The following PIGK variants were observed in gnomAD, a reference collection of about 807,000 sequenced individuals.
The protein encoded by PIGK is GPI-anchor transamidase.
In PIGK, 42 loss-of-function variants were observed where a neutral mutation model predicts 50.6. The ratio of observed to expected loss-of-function variants is 0.83; its 90% confidence interval spans 0.65 to 1.07. PIGK has a LOEUF of 1.07. Among genes scored for constraint, PIGK ranks in the 50% least tolerant of loss-of-function variants. PIGK has a pLI of 0.00. For missense variants in PIGK, 448 were observed against 488.7 expected (o/e 0.92, Z 0.78); for synonymous variants, 151 against 156.0 (o/e 0.97, Z 0.24).
intron 3 of PIGK, among the ~76,000 whole-genome samples, chr1:77,203,900 T>C (rs1418023062): frequency 1.3e-5 from 2 of 152,210 alleles, no homozygotes; most frequent in Non-Finnish European, 2.9e-5. Flanking sequence ...ATCATCTTGG[T>C]AAACTGAGGA....
chr1:77,164,943 C>G (rs528068836), intron 5 of PIGK, among the ~76,000 whole-genome samples: 1 of 152,242 alleles, frequency 6.6e-6, no homozygotes, highest in South Asian at 2.1e-4. Context: ...CTTACAGACC[C>G]TGGCAACCTT....
At chr1:77,102,733 G>A (rs773672356) in intron 10 of PIGK, among the ~76,000 whole-genome samples, 4 of 152,148 alleles carry the variant, frequency 2.6e-5, no homozygotes, top group African/African-American at 7.2e-5. Flanking sequence ...GATAGAAAAC[G>A]CATACAACAG....
In PIGK at chr1:77,092,190, C is replaced by A; in HGVS notation, c.*184G>T. ...ATACAAAACTGGAATATATTTAGTG[C>A]CATTAAGCAGTTGCATTAACAATTA... On this transcript the variant is annotated 3_prime_UTR_variant, in exon 11 of 11. Coordinates refer to ENST00000370812, the MANE Select transcript of PIGK (RefSeq NM_005482.3). 2.5e-6 allele frequency: 1 copy of A among 403,084 alleles called. No homozygotes were observed. The highest frequency in any genetic ancestry group is 4.4e-6 in the Non-Finnish European group (1 of 229,010). The allele number at this position is 403,084 out of a possible 1,614,324, so 25.0% of individuals were successfully genotyped here. A position where few individuals can be genotyped will look rare whatever the true frequency, so the allele number is the denominator to read the frequency against.
chr1:77,186,544 G>C (rs1655751278), intron 3 of PIGK, among the ~76,000 whole-genome samples: 1 of 152,152 alleles, frequency 6.6e-6, no homozygotes, highest in South Asian at 2.1e-4. Flanking sequence ...TGGACCTGAG[G>C]GGTCAAAAAT....
chr1:77,143,448 A>T (rs1158597173), intron 9 of PIGK, among the ~76,000 whole-genome samples: 3 of 152,090 alleles, frequency 2.0e-5, no homozygotes, highest in Non-Finnish European at 4.4e-5. Flanking sequence ...ATCCAACATA[A>T]AGGATATCAT....
At chr1:77,102,439 G>T (rs1187808649) in intron 10 of PIGK, among the ~76,000 whole-genome samples, 1 of 152,166 alleles carries the variant, frequency 6.6e-6, no homozygotes, top group Non-Finnish European at 1.5e-5. Flanking sequence ...TCTTCAGTGT[G>T]GTAGAAGGAG....
intron 5 of PIGK, 28 bp downstream of exon 5, chr1:77,166,691 C>T (rs749778811): frequency 1.4e-5 from 15 of 1,094,710 alleles, no homozygotes; most frequent in Middle Eastern, 2.1e-4. Flanking sequence ...ATATACTCTA[C>T]TATAAAAACT....
At chr1:77,103,830 A>G (rs1305092685) in intron 10 of PIGK, among the ~76,000 whole-genome samples, 1 of 152,162 alleles carries the variant, frequency 6.6e-6, no homozygotes, top group African/African-American at 2.4e-5. Context: ...GTTCTATTCT[A>G]TGCATGCATG....
chr1:77,218,444 T>C (rs1040916721), intron 1 of PIGK, among the ~76,000 whole-genome samples: 16 of 152,140 alleles, frequency 1.1e-4, no homozygotes, highest in African/African-American at 3.9e-4. Flanking sequence ...CAAAATTTAG[T>C]GATAATTAGA....
At chr1:77,097,697 T>C (rs2100508671) in intron 10 of PIGK, among the ~76,000 whole-genome samples, 1 of 152,278 alleles carries the variant, frequency 6.6e-6, no homozygotes, top group Admixed American at 6.5e-5. Context: ...GAAGGGAAAG[T>C]AAATTTTCAT....
At chr1:77,195,523 A>G in intron 3 of PIGK, 2 of 532,062 alleles carry the variant, frequency 3.8e-6, no homozygotes, top group Non-Finnish European at 6.4e-6. Flanking sequence ...AAATTCAAGA[A>G]TAAGGCCTTA....
At chr1:77,101,670 T>C (rs1281526920) in intron 10 of PIGK, among the ~76,000 whole-genome samples, 1 of 152,194 alleles carries the variant, frequency 6.6e-6, no homozygotes, top group Non-Finnish European at 1.5e-5. Flanking sequence ...ATCAACTGTA[T>C]AATCTAGTTT....
chr1:77,093,768 A>G (rs972078016), intron 10 of PIGK, among the ~76,000 whole-genome samples: 1 of 152,106 alleles, frequency 6.6e-6, no homozygotes, highest in Admixed American at 6.6e-5. Context: ...GTTATTTTCC[A>G]CTTAAGAGTC....
chr1:77,183,540 A>C (rs1484670109), intron 3 of PIGK, among the ~76,000 whole-genome samples: 1 of 152,190 alleles, frequency 6.6e-6, no homozygotes, highest in East Asian at 1.9e-4. Context: ...GAGGAGGTGC[A>C]CTACACTTGA....
intron 10 of PIGK, among the ~76,000 whole-genome samples, chr1:77,095,604 C>T (rs1653389276): frequency 6.6e-6 from 1 of 152,122 alleles, no homozygotes; most frequent in Admixed American, 6.6e-5. Context: ...CAATGGTTCA[C>T]TGCTTCCTGG....
At chr1:77,214,936 T>G (rs959225587) in intron 1 of PIGK, among the ~76,000 whole-genome samples, 2 of 152,062 alleles carry the variant, frequency 1.3e-5, no homozygotes, top group East Asian at 1.9e-4. Context: ...AGGAATAAAT[T>G]TAACCAAGAA....
In PIGK at chr1:77,104,977, A is replaced by C. The variant is rs572408691; in HGVS notation, c.1072-12487T>G. On this transcript the variant is annotated intron_variant, in intron 10 of 10. Coordinates refer to ENST00000370812, the MANE Select transcript of PIGK (RefSeq NM_005482.3). ...AGCAACGGGGCGACTTCCCTCTACT[A>C]GCGAGGGTAAAAGGCTGGTGTGAGA... 2.6e-5 allele frequency among the ~76,000 whole-genome samples: 4 copies of C among 152,288 alleles called. No homozygotes were observed. The East Asian group carries it at 7.7e-4, about 29-fold the overall frequency.
chr1:77,148,931 G>C (rs1654831646), intron 9 of PIGK, among the ~76,000 whole-genome samples: 1 of 152,060 alleles, frequency 6.6e-6, no homozygotes, highest in South Asian at 2.1e-4. Context: ...TGGCCAGAAT[G>C]GTGTTGATCT....
chr1:77,123,739 T>C (rs1654158331), intron 9 of PIGK, among the ~76,000 whole-genome samples: 1 of 152,114 alleles, frequency 6.6e-6, no homozygotes, highest in South Asian at 2.1e-4. Context: ...ATAATATAAA[T>C]GTATTTAATG....
Sources: allele counts gnomAD v4.1 joint callset (sites outside exome capture counted in the v4.1 genomes callset), GRCh38; gene constraint gnomAD v4.1.1; transcripts MANE v1.5; gene names NCBI Gene and HGNC (gene_info 2026-07-23, HGNC 2026-07-21).